The following CNTNAP3 variants were observed in gnomAD, a reference collection of about 807,000 sequenced individuals.
The protein encoded by CNTNAP3 is contactin associated protein family member 3, also known as contactin-associated protein-like 3.
In CNTNAP3, 36 loss-of-function variants were observed where a neutral mutation model predicts 92.1. The observed-to-expected ratio is 0.39, with a 90% CI of 0.30 to 0.52. CNTNAP3 has a LOEUF of 0.52. Among genes scored for constraint, CNTNAP3 ranks in the 20% least tolerant of loss-of-function variants. CNTNAP3 has a pLI of 0.76. For missense variants in CNTNAP3, 534 were observed against 1,069.6 expected (o/e 0.50, Z 6.98); for synonymous variants, 232 against 422.3 (o/e 0.55, Z 5.53).
chr9:39,112,033 C>T (rs1389522060), intron 14 of CNTNAP3, among the ~76,000 whole-genome samples: 1 of 133,952 alleles, frequency 7.5e-6, no homozygotes, highest in African/African-American at 3.6e-5. Context: ...ATAGGGACAT[C>T]TCATTTTTCT....
chr9:39,098,624 G>A (rs1181015417), intron 18 of CNTNAP3, among the ~76,000 whole-genome samples: 4 of 152,162 alleles, frequency 2.6e-5, no homozygotes, highest in East Asian at 1.9e-4. Flanking sequence ...TACTCCTGAT[G>A]TTGGCTTGAG....
intron 18 of CNTNAP3, among the ~76,000 whole-genome samples, chr9:39,093,996 A>T (rs1476403456): frequency 6.6e-6 from 1 of 151,018 alleles, no homozygotes; most frequent in East Asian, 1.9e-4. Flanking sequence ...AGAGAGTTCC[A>T]ATTTCTCTAG....
intron 15 of CNTNAP3, among the ~76,000 whole-genome samples, chr9:39,104,483 C>T (rs1313855508): frequency 1.6e-5 from 2 of 125,350 alleles, no homozygotes; most frequent in African/African-American, 6.0e-5. Flanking sequence ...CACATACACA[C>T]ACACACACAC....
chr9:39,108,918 C>T (rs1435091863), intron 15 of CNTNAP3, among the ~76,000 whole-genome samples: 1 of 152,028 alleles, frequency 6.6e-6, no homozygotes, highest in African/African-American at 2.4e-5. Flanking sequence ...GATAATAAAT[C>T]CAGCCAAGCA....
intron 13 of CNTNAP3, among the ~76,000 whole-genome samples, chr9:39,124,495 GC>G (rs1223466588): frequency 2.0e-4 from 30 of 152,032 alleles, no homozygotes. Flanking sequence ...GGCAACAAAA[GC>G]CAAAATTGAC....
rs549203989 is a variant in CNTNAP3 at position 39,158,222 on chromosome 9, T to C, written c.1477+7711A>G. On this transcript the variant is annotated intron_variant, in intron 9 of 23. Coordinates refer to ENST00000297668, the MANE Select transcript of CNTNAP3 (RefSeq NM_033655.5). ...CTCATTTCGCACTGTTAAAATTCCG[T>C]TGGGCAGAATGATGAAGGGAAGCTC... is the stretch of plus-strand genomic sequence containing the variant. Among the ~76,000 whole-genome samples, 9 of 144,828 alleles carry C rather than the reference T, an allele frequency of 6.2e-5. 1 individual carries two copies. Among genetic ancestry groups the C allele is most frequent in the African/African-American group, 1.3e-4 (5 of 37,640 alleles).
chr9:39,113,128 A>G (rs1820751728), intron 14 of CNTNAP3, among the ~76,000 whole-genome samples: 1 of 152,042 alleles, frequency 6.6e-6, no homozygotes, highest in South Asian at 2.1e-4. Flanking sequence ...TTTCTAATTA[A>G]TAGACACTAA....
intron 12 of CNTNAP3, among the ~76,000 whole-genome samples, chr9:39,133,897 C>G (rs1821363920): frequency 6.6e-6 from 1 of 152,182 alleles, no homozygotes; most frequent in African/African-American, 2.4e-5. Context: ...CTGGTGCTGT[C>G]TGGTCCTTTA....
intron 13 of CNTNAP3, among the ~76,000 whole-genome samples, chr9:39,128,356 A>T (rs1216382376): frequency 6.6e-6 from 1 of 152,062 alleles, no homozygotes; most frequent in African/African-American, 2.4e-5. Flanking sequence ...AAATATTAAT[A>T]AATGAAACAC....
chr9:39,116,901 G>A (rs970878158), intron 14 of CNTNAP3, among the ~76,000 whole-genome samples: 1 of 151,960 alleles, frequency 6.6e-6, no homozygotes, highest in Admixed American at 6.6e-5. Context: ...CCATTTTTAG[G>A]AATCAAATTA....
chr9:39,097,009 G>A (rs1464917336), intron 18 of CNTNAP3, among the ~76,000 whole-genome samples: 5 of 151,184 alleles, frequency 3.3e-5, no homozygotes, highest in Non-Finnish European at 7.4e-5. Flanking sequence ...GTATATATTG[G>A]TGTGCTTAGT....
At chr9:39,131,750 C>T (rs557988565) in intron 13 of CNTNAP3, among the ~76,000 whole-genome samples, 11 of 152,108 alleles carry the variant, frequency 7.2e-5, no homozygotes, top group African/African-American at 1.9e-4. Context: ...CGCTTGAATC[C>T]GGGAGGGGAG....
chr9:39,103,969 C>A, intron 15 of CNTNAP3, 55 bp from the exon 16 acceptor site: 1 of 1,501,200 alleles, frequency 6.7e-7, no homozygotes, highest in East Asian at 2.3e-5. Flanking sequence ...ACAAAAATAA[C>A]AGCTACATTT....
intron 13 of CNTNAP3, among the ~76,000 whole-genome samples, chr9:39,130,562 T>C (rs1365073972): frequency 6.9e-6 from 1 of 145,718 alleles, no homozygotes; most frequent in Non-Finnish European, 1.5e-5. Flanking sequence ...TGGAGTGCAG[T>C]GGCGCCATCT....
intron 13 of CNTNAP3, among the ~76,000 whole-genome samples, chr9:39,118,465 G>A (rs905761963): frequency 6.6e-6 from 1 of 151,998 alleles, no homozygotes; most frequent in Non-Finnish European, 1.5e-5. Flanking sequence ...TCAATATCTA[G>A]GCTTAAATGA....
At chr9:39,127,615 T>C (rs1006956251) in intron 13 of CNTNAP3, among the ~76,000 whole-genome samples, 11 of 152,068 alleles carry the variant, frequency 7.2e-5, no homozygotes, top group African/African-American at 2.7e-4. Context: ...ATCAAACAAA[T>C]AATAAGAAAA....
At chr9:39,136,205 T>A (rs1821430387) in intron 12 of CNTNAP3, among the ~76,000 whole-genome samples, 1 of 151,746 alleles carries the variant, frequency 6.6e-6, no homozygotes, top group Non-Finnish European at 1.5e-5. Context: ...GGGATGCATA[T>A]GGTTTCACAT....
rs143821225 is a variant in CNTNAP3 at position 39,128,134 on chromosome 9, G to A, written c.2080+4798C>T. ...GATCACAGGCGTGAGCCACCCTGCC[G>A]GGCCTTACTGGAGAATTCTACCAAA... On this transcript the variant is annotated intron_variant, in intron 13 of 23. Coordinates refer to ENST00000297668, the MANE Select transcript of CNTNAP3 (RefSeq NM_033655.5). Among the ~76,000 whole-genome samples, 409 of 152,154 alleles carry A rather than the reference G, an allele frequency of 2.7e-3. 2 individuals carry two copies. The highest frequency in any genetic ancestry group is 3.4e-3 in the Middle Eastern group (1 of 294).
intron 18 of CNTNAP3, among the ~76,000 whole-genome samples, chr9:39,095,203 G>C (rs1826297288): frequency 6.6e-6 from 1 of 151,620 alleles, no homozygotes; most frequent in Non-Finnish European, 1.5e-5. Context: ...CAACTTCGCT[G>C]AATTTATTTA....
Sources: allele counts gnomAD v4.1 joint callset (sites outside exome capture counted in the v4.1 genomes callset), GRCh38; gene constraint gnomAD v4.1.1; transcripts MANE v1.5; gene names NCBI Gene and HGNC (gene_info 2026-07-23, HGNC 2026-07-21).